Variants in COBL observed in about 807,000 individuals in gnomAD.
The protein encoded by COBL is protein cordon-bleu.
Under a neutral mutation model 98.8 loss-of-function variants are expected in COBL, and 51 were observed. That is an observed-to-expected ratio of 0.52 (90% CI 0.41 to 0.65). COBL has a LOEUF of 0.65. COBL is among the 30% of genes least tolerant of loss of function. COBL has a pLI of 0.00. For synonymous variants in COBL, 634 were observed against 651.7 expected, an observed-to-expected ratio of 0.97 and a Z score of 0.41; for missense variants, 1,617 against 1,617.5, an observed-to-expected ratio of 1.00 and a Z score of 0.01.
intron 7 of COBL, among the ~76,000 whole-genome samples, chr7:51,045,928 G>A (rs956807558): frequency 1.3e-5 from 2 of 152,174 alleles, no homozygotes; most frequent in African/African-American, 2.4e-5. Flanking sequence ...TGACTAATGC[G>A]AGTGCTATTA....
intron 7 of COBL, among the ~76,000 whole-genome samples, chr7:51,067,211 C>T (rs1228667925): frequency 6.6e-6 from 1 of 152,242 alleles, no homozygotes; most frequent in Non-Finnish European, 1.5e-5. Context: ...TGCAGGCACA[C>T]ACACACAGTG....
chr7:51,100,920 AAAAC>A (rs943019117), intron 6 of COBL, among the ~76,000 whole-genome samples: 3 of 151,948 alleles, frequency 2.0e-5, no homozygotes, highest in African/African-American at 7.3e-5. Context: ...AAACAAAAAA[AAAAC>A]AACAACAAAA....
At chr7:51,257,801 A>G (rs1797333554) in intron 1 of COBL, among the ~76,000 whole-genome samples, 1 of 152,216 alleles carries the variant, frequency 6.6e-6, no homozygotes, top group Non-Finnish European at 1.5e-5. Context: ...TAGTAAAATA[A>G]TCTGATCTTT....
At chr7:51,172,311 C>A in intron 5 of COBL, 1 of 291,140 alleles carries the variant, frequency 3.4e-6, no homozygotes, top group Non-Finnish European at 6.3e-6. Flanking sequence ...AAAAAAGAAT[C>A]AATAGGCGGC....
rs180872005 is a variant in COBL, at chr7:51,181,030, G to C, written c.783+3072C>G. ...GCTAATAAATTTCTGACGTGACTGA[G>C]GTTTCATTCTTGCCACTCTGTAATG... On this transcript the variant is annotated intron_variant, in intron 5 of 12. Transcript: ENST00000265136. Among the ~76,000 whole-genome samples the C allele has an allele frequency of 4.3e-3, 652 of 152,278 alleles. 2 individuals carry two copies. The highest frequency in any genetic ancestry group is 6.6e-3 in the Non-Finnish European group (452 of 68,014).
chr7:51,220,064 T>C, intron 1 of COBL, 120 bp from the exon 2 acceptor site: 1 of 838,314 alleles, frequency 1.2e-6, no homozygotes. Flanking sequence ...TGCCACGGCC[T>C]TTTTAAAATC....
chr7:51,180,372 C>T (rs184151489), intron 5 of COBL, among the ~76,000 whole-genome samples: 1 of 152,154 alleles, frequency 6.6e-6, no homozygotes, highest in Non-Finnish European at 1.5e-5. Flanking sequence ...ATTTTGAGAT[C>T]TCGAGAAGAA....
intron 6 of COBL, among the ~76,000 whole-genome samples, chr7:51,091,014 G>A (rs1273137615): frequency 6.6e-6 from 1 of 152,260 alleles, no homozygotes; most frequent in East Asian, 1.9e-4. Context: ...GGGTTGAGAG[G>A]CCCCAAGAAT....
intron 1 of COBL, among the ~76,000 whole-genome samples, chr7:51,221,546 G>A (rs1313603241): frequency 1.3e-5 from 2 of 152,168 alleles, no homozygotes; most frequent in Admixed American, 6.5e-5. Context: ...GTGCAAAAAT[G>A]CTCAATACAG....
At chr7:51,182,049 G>A (rs1429879261) in intron 5 of COBL, among the ~76,000 whole-genome samples, 3 of 152,054 alleles carry the variant, frequency 2.0e-5, no homozygotes, top group Non-Finnish European at 4.4e-5. Flanking sequence ...TGGTTTTTCT[G>A]GCCATTTCAT....
At chr7:51,160,974 G>A (rs1449519210) in intron 5 of COBL, among the ~76,000 whole-genome samples, 3 of 151,950 alleles carry the variant, frequency 2.0e-5, no homozygotes, top group Non-Finnish European at 4.4e-5. Context: ...CGCAATCGAG[G>A]CTCACTGCAA....
chr7:51,054,829 C>T (rs370947852), intron 7 of COBL, among the ~76,000 whole-genome samples: 97 of 152,320 alleles, frequency 6.4e-4, no homozygotes, highest in African/African-American at 2.3e-3. Context: ...GAGGGGTTTT[C>T]GGGGCACATC....
At chr7:51,314,693 TAAA>T (rs1803365632) in intron 1 of COBL, among the ~76,000 whole-genome samples, 4 of 152,208 alleles carry the variant, frequency 2.6e-5, no homozygotes, top group Admixed American at 2.6e-4. Context: ...CAATAGAAGT[TAAA>T]AATAATATGT....
chr7:51,082,113 G>A (rs981568637), intron 7 of COBL, among the ~76,000 whole-genome samples: 1 of 152,144 alleles, frequency 6.6e-6, no homozygotes, highest in African/African-American at 2.4e-5. Flanking sequence ...GAAGCTGGCA[G>A]GCAGCTAGTC....
Position 51,028,073 on chromosome 7 carries a change from G to A in COBL, c.3023C>T (p.Ser1008Leu), listed in dbSNP as rs1344072624. 1 of 1,613,538 alleles carries A rather than the reference G, an allele frequency of 6.2e-7. No individual in the cohort carries two copies. Among genetic ancestry groups the A allele is most frequent in the South Asian group, 1.1e-5 (1 of 90,922 alleles). Residue 1008 changes from serine (S) to leucine (L), a missense_variant, in exon 10 of 13, where the codon TCA (serine) becomes TTA (leucine). Physicochemically the swap from Ser to Leu is moderately radical, Grantham distance 145 (BLOSUM62 -2). Around this residue, in one of 3 missense-constraint regions of COBL, gnomAD observed 1,304 missense variants for 1,282.0 expected, o/e 1.02. Transcript: ENST00000265136. ...AGGTGCGCGTCTGGGCTCAGATGCT[G>A]AGCTGGCCTCCTGGCTACTTGTGCT... is the stretch of plus-strand genomic sequence containing the variant. ...KQSTSSQEAS[S>L]ASEPRRAPDG...
intron 6 of COBL, among the ~76,000 whole-genome samples, chr7:51,131,260 T>G (rs1466388589): frequency 1.3e-5 from 2 of 152,224 alleles, no homozygotes; most frequent in Non-Finnish European, 2.9e-5. Context: ...TTGAATTACT[T>G]GTCAATTACA....
At chr7:51,095,422 C>T (rs1290168984) in intron 6 of COBL, among the ~76,000 whole-genome samples, 4 of 152,100 alleles carry the variant, frequency 2.6e-5, no homozygotes, top group Non-Finnish European at 2.9e-5. Flanking sequence ...TAACTACAAA[C>T]GTCAACAAAA....
chr7:51,236,915 G>A (rs1000867423), intron 1 of COBL, among the ~76,000 whole-genome samples: 6 of 152,164 alleles, frequency 3.9e-5, no homozygotes, highest in African/African-American at 9.7e-5. Context: ...GGGGGTCAAC[G>A]GTCTCGCCTC....
intron 2 of COBL, among the ~76,000 whole-genome samples, chr7:51,204,885 A>G (rs1415274067): frequency 6.6e-6 from 1 of 152,202 alleles, no homozygotes; most frequent in Non-Finnish European, 1.5e-5. Context: ...TAAACCATTT[A>G]AAAAGGAAAT....
Sources: allele counts gnomAD v4.1 joint callset (sites outside exome capture counted in the v4.1 genomes callset), GRCh38; gene constraint gnomAD v4.1.1; regional missense constraint gnomAD v4.1.1; transcripts MANE v1.5; gene names NCBI Gene and HGNC (gene_info 2026-07-23, HGNC 2026-07-21).